The following CADM2 variants were observed in gnomAD, a reference collection of about 807,000 sequenced individuals.
CADM2 encodes the protein cell adhesion molecule 2.
Under a neutral mutation model 49.8 loss-of-function variants are expected in CADM2, and 12 were observed. The ratio of observed to expected loss-of-function variants is 0.24; its 90% CI spans 0.15 to 0.39. CADM2 has a LOEUF of 0.39. CADM2 is among the 10% of genes least tolerant of loss of function. The probability of loss-of-function intolerance (pLI) is 1.00; values close to 1 mark genes in which losing one functional copy is unlikely to be tolerated. For synonymous variants in CADM2, 214 were observed against 175.4 expected (o/e 1.22, Z -1.74); for missense variants, 378 against 492.3 (o/e 0.77, Z 2.20).
intron 1 of CADM2, among the ~76,000 whole-genome samples, chr3:85,381,902 A>G (rs1006738605): frequency 6.6e-6 from 1 of 152,040 alleles, no homozygotes; most frequent in Non-Finnish European, 1.5e-5. Context: ...TATGTCAGAA[A>G]GGCTCAGAAA....
intron 1 of CADM2, among the ~76,000 whole-genome samples, chr3:85,234,973 G>C (rs998484420): frequency 4.0e-5 from 6 of 151,790 alleles, no homozygotes; most frequent in African/African-American, 1.5e-4. Context: ...GGTCATGTTG[G>C]CATTTTGTGT....
At chr3:85,093,956 G>C (rs566102743) in intron 1 of CADM2, among the ~76,000 whole-genome samples, 2 of 152,136 alleles carry the variant, frequency 1.3e-5, no homozygotes, top group Admixed American at 1.3e-4. Context: ...GGTGGGAGGA[G>C]AGGTGCTTCT....
intron 5 of CADM2, 73 bp from the exon 6 acceptor site, chr3:85,912,300 C>T (rs1717720369): frequency 9.1e-6 from 10 of 1,098,616 alleles, no homozygotes; most frequent in Admixed American, 2.8e-5. Context: ...AAGCTGTTTC[C>T]ATTATCTTGA....
At chr3:85,131,355 T>C (rs778785468) in intron 1 of CADM2, among the ~76,000 whole-genome samples, 9 of 152,228 alleles carry the variant, frequency 5.9e-5, no homozygotes, top group Non-Finnish European at 1.2e-4. Flanking sequence ...GTTATCTCTA[T>C]AGTTAAGACC....
At chr3:85,393,061 G>T (rs1210748412) in intron 1 of CADM2, among the ~76,000 whole-genome samples, 1 of 128,056 alleles carries the variant, frequency 7.8e-6, no homozygotes, top group African/African-American at 2.8e-5. Context: ...TTGAAGAAGA[G>T]AAAACCTGGA....
At chr3:85,872,872 A>G (rs1302555808) in intron 3 of CADM2, among the ~76,000 whole-genome samples, 1 of 152,084 alleles carries the variant, frequency 6.6e-6, no homozygotes, top group Non-Finnish European at 1.5e-5. Flanking sequence ...GCCTTTTGCT[A>G]AAACTTCTTA....
chr3:85,705,204 T>G (rs1477991365), intron 1 of CADM2, among the ~76,000 whole-genome samples: 2 of 147,714 alleles, frequency 1.4e-5, no homozygotes, highest in South Asian at 2.2e-4. Context: ...AATGAGTAAA[T>G]TATAATGGGG....
At chr3:85,060,841 A>G (rs2107442452) in intron 1 of CADM2, among the ~76,000 whole-genome samples, 1 of 152,124 alleles carries the variant, frequency 6.6e-6, no homozygotes, top group African/African-American at 2.4e-5. Context: ...TAACAAGAAT[A>G]TTTATAAAGT....
intron 1 of CADM2, among the ~76,000 whole-genome samples, chr3:85,184,445 A>T (rs2041006269): frequency 6.6e-6 from 1 of 152,126 alleles, no homozygotes; most frequent in Non-Finnish European, 1.5e-5. Flanking sequence ...GAAAATATGC[A>T]ACTTTAAAAA....
rs115415171 is a variant in CADM2 at position 85,597,564 on chromosome 3, G to C, written c.62-128958G>C. On this transcript the variant is annotated intron_variant, in intron 1 of 9. Transcript: ENST00000383699. ...ATTATCAAAGCAATTAAAATGTTTT[G>C]ATACCTATAGGAGCTAGAAATCTGT... Among the ~76,000 whole-genome samples, 1,380 of 152,074 alleles carry C rather than the reference G, an allele frequency of 9.1e-3. 22 individuals are homozygous for C. The highest frequency in any genetic ancestry group is 0.03 in the African/African-American group (1,251 of 41,524).
At chr3:85,292,973 G>T (rs891264199) in intron 1 of CADM2, among the ~76,000 whole-genome samples, 2 of 151,744 alleles carry the variant, frequency 1.3e-5, no homozygotes, top group South Asian at 4.2e-4. Context: ...GACACAAAAA[G>T]CCCTTCAAAA....
At chr3:85,272,971 A>G (rs917656226) in intron 1 of CADM2, among the ~76,000 whole-genome samples, 1 of 151,250 alleles carries the variant, frequency 6.6e-6, no homozygotes, top group African/African-American at 2.4e-5. Context: ...AACAACAACA[A>G]CAATTAGGAA....
chr3:85,894,185 A>C (rs1032482323), intron 5 of CADM2, among the ~76,000 whole-genome samples: 20 of 150,788 alleles, frequency 1.3e-4, no homozygotes, highest in Non-Finnish European at 2.2e-4. Context: ...TGATGAGTTC[A>C]TGTCCTTTGT....
intron 1 of CADM2, among the ~76,000 whole-genome samples, chr3:85,329,722 A>G (rs537987168): frequency 1.3e-5 from 2 of 152,282 alleles, no homozygotes; most frequent in East Asian, 1.9e-4. Context: ...ATAATTCGTT[A>G]TTTTAAACAT....
intron 8 of CADM2, among the ~76,000 whole-genome samples, chr3:86,064,512 A>T (rs566722422): frequency 6.6e-6 from 1 of 152,282 alleles, no homozygotes; most frequent in Middle Eastern, 3.4e-3. Context: ...GCCGCAATAA[A>T]CATGTGTGTG....
chr3:85,351,390 T>C (rs1002248905), intron 1 of CADM2, among the ~76,000 whole-genome samples: 2 of 152,126 alleles, frequency 1.3e-5, no homozygotes, highest in Non-Finnish European at 2.9e-5. Flanking sequence ...TAACGTATAA[T>C]TAAAGAAAAA....
intron 1 of CADM2, among the ~76,000 whole-genome samples, chr3:85,496,507 A>G (rs142732320): frequency 5.9e-5 from 9 of 152,276 alleles, no homozygotes; most frequent in Non-Finnish European, 1.2e-4. Context: ...GAACATACGA[A>G]TGCATGTGTC....
At chr3:85,128,599 A>G (rs1421908446) in intron 1 of CADM2, among the ~76,000 whole-genome samples, 4 of 152,164 alleles carry the variant, frequency 2.6e-5, no homozygotes, top group African/African-American at 9.6e-5. Flanking sequence ...CAGAAGGTGG[A>G]AGGCATTGTC....
At chr3:85,774,185 C>T (rs73845653) in intron 2 of CADM2, among the ~76,000 whole-genome samples, 7,736 of 151,666 alleles carry the variant, frequency 0.051, 558 homozygotes, top group African/African-American at 0.16. Flanking sequence ...AGAACAAATA[C>T]GGTAAATGTC....
Sources: allele counts gnomAD v4.1 joint callset (sites outside exome capture counted in the v4.1 genomes callset), GRCh38; gene constraint gnomAD v4.1.1; transcripts MANE v1.5; gene names NCBI Gene and HGNC (gene_info 2026-07-23, HGNC 2026-07-21).